ATRN: variants seen among roughly 807,000 people sequenced by gnomAD.
ATRN encodes attractin.
Under a neutral mutation model 178.7 loss-of-function variants are expected in ATRN, and 54 were observed. That is an observed-to-expected ratio of 0.30 (90% CI 0.24 to 0.38). The LOEUF is 0.38. Ranked by LOEUF, ATRN falls within the 10% of genes least tolerant of loss-of-function variation. The pLI is 1.00. For synonymous variants in ATRN, 636 were observed against 663.0 expected, an observed-to-expected ratio of 0.96 and a Z score of 0.63; for missense variants, 1,443 against 1,815.1, an observed-to-expected ratio of 0.79 and a Z score of 3.73.
intron 2 of ATRN, among the ~76,000 whole-genome samples, chr20:3,537,614 A>G (rs1959484143): frequency 6.6e-6 from 1 of 150,624 alleles, no homozygotes; most frequent in Admixed American, 6.6e-5. Flanking sequence ...TGCACCCATT[A>G]ACTCATCATT....
intron 1 of ATRN, among the ~76,000 whole-genome samples, chr20:3,524,918 G>T (rs569240864): frequency 6.6e-6 from 1 of 152,224 alleles, no homozygotes; most frequent in South Asian, 2.1e-4. Context: ...TGTTTAGAGG[G>T]AAATTTATAG....
intron 11 of ATRN, among the ~76,000 whole-genome samples, chr20:3,566,000 A>G (rs975878632): frequency 5.9e-5 from 9 of 152,270 alleles, no homozygotes; most frequent in African/African-American, 2.2e-4. Context: ...ACGCAAGAGC[A>G]TGCTTTTTGG....
intron 18 of ATRN, among the ~76,000 whole-genome samples, chr20:3,589,456 C>T (rs1186220368): frequency 6.6e-6 from 1 of 151,116 alleles, no homozygotes; most frequent in East Asian, 1.9e-4. Flanking sequence ...AGAGCTTGCT[C>T]TCTTATATTG....
intron 1 of ATRN, among the ~76,000 whole-genome samples, chr20:3,497,422 G>T (rs2146100780): frequency 6.6e-6 from 1 of 152,072 alleles, no homozygotes; most frequent in East Asian, 1.9e-4. Context: ...CACTTATGAA[G>T]CTTAGTTTGG....
In ATRN at chr20:3,483,809, A is replaced by C. The variant is rs548661318; in HGVS notation, c.410+12292A>C. On this transcript the variant is annotated intron_variant, in intron 1 of 28. Transcript: ENST00000262919. ...GACACATATTATTTTTCAAAAAAAA[A>C]CAGATTTATAGAGTTGAAGAGATAC... Among the ~76,000 whole-genome samples the C allele has an allele frequency of 2.6e-5, 4 of 152,298 alleles. No homozygotes were observed. The South Asian group carries it at 8.3e-4, about 32-fold the overall frequency.
At chr20:3,491,386 T>G (rs78119719) in intron 1 of ATRN, among the ~76,000 whole-genome samples, 6,030 of 152,294 alleles carry the variant, frequency 0.04, 160 homozygotes, top group Non-Finnish European at 0.057. Flanking sequence ...CTTACTAAAC[T>G]TCATAACGTT....
intron 24 of ATRN, among the ~76,000 whole-genome samples, chr20:3,610,509 C>T (rs1484408600): frequency 6.6e-6 from 1 of 151,856 alleles, no homozygotes; most frequent in African/African-American, 2.4e-5. Flanking sequence ...ACCCTCTCAC[C>T]TCAGCCTCCT....
chr20:3,587,822 A>C (rs575365512), intron 18 of ATRN, among the ~76,000 whole-genome samples: 18 of 149,986 alleles, frequency 1.2e-4, no homozygotes, highest in Middle Eastern at 3.2e-3. Flanking sequence ...TTTGGGGTGT[A>C]TTGCCTGTTT....
chr20:3,506,815 TGATTA>T (rs1898183063), intron 1 of ATRN, among the ~76,000 whole-genome samples: 1 of 151,952 alleles, frequency 6.6e-6, no homozygotes, highest in African/African-American at 2.4e-5. Context: ...TTAAAATAAA[TGATTA>T]GTATCTTTAA....
intron 16 of ATRN, among the ~76,000 whole-genome samples, chr20:3,582,962 T>G (rs886165348): frequency 3.3e-5 from 5 of 152,164 alleles, no homozygotes; most frequent in African/African-American, 1.2e-4. Flanking sequence ...TGCTGCAGCA[T>G]GAAGACAACT....
chr20:3,490,572 G>A, intron 1 of ATRN: 2 of 1,056,520 alleles, frequency 1.9e-6, no homozygotes, highest in Admixed American at 1.7e-5. Context: ...TCACGTTAAT[G>A]TACTTGAGGT....
intron 25 of ATRN, among the ~76,000 whole-genome samples, chr20:3,634,091 T>C (rs1458021140): frequency 6.6e-6 from 1 of 152,190 alleles, no homozygotes; most frequent in African/African-American, 2.4e-5. Context: ...GAATACCACA[T>C]GGGAACGATA....
chr20:3,519,889 A>G (rs2085266321), intron 1 of ATRN, among the ~76,000 whole-genome samples: 1 of 152,248 alleles, frequency 6.6e-6, no homozygotes, highest in African/African-American at 2.4e-5. Context: ...ACTGCAATCC[A>G]AGAATACCAT....
chr20:3,536,060 C>T (rs2085528128), intron 2 of ATRN, among the ~76,000 whole-genome samples: 1 of 152,172 alleles, frequency 6.6e-6, no homozygotes, highest in African/African-American at 2.4e-5. Context: ...GATCCCTTCT[C>T]TGGACCCACT....
At chr20:3,571,110 C>T (rs2753978) in intron 11 of ATRN, among the ~76,000 whole-genome samples, 25,323 of 152,168 alleles carry the variant, frequency 0.17, 2,616 homozygotes, top group Middle Eastern at 0.3. Flanking sequence ...ATTCCTTTTA[C>T]ATCTGCCTAA....
At chr20:3,514,083 A>G (rs143036078) in intron 1 of ATRN, among the ~76,000 whole-genome samples, 6,060 of 152,234 alleles carry the variant, frequency 0.04, 159 homozygotes, top group Non-Finnish European at 0.057. Flanking sequence ...AAATGCAGAA[A>G]TCACCCATCT....
rs1446681635 is a variant in ATRN, at chr20:3,590,117, T to C, written c.3185-1052T>C. ...GGCACCTGCCACCACCTCTGGCTAA[T>C]TTTTTGTATTTTTAGTAGAGACAGG... On this transcript the variant is annotated intron_variant, in intron 18 of 28. Coordinates refer to ENST00000262919, the MANE Select transcript of ATRN (RefSeq NM_139321.3). Among the ~76,000 whole-genome samples, 4 of 152,106 alleles carry C rather than the reference T, an allele frequency of 2.6e-5. No homozygotes were observed. The East Asian group carries it at 7.7e-4, about 29-fold the overall frequency.
chr20:3,644,387 T>C, intron 28 of ATRN, 119 bp downstream of exon 28: 1 of 836,362 alleles, frequency 1.2e-6, no homozygotes, highest in African/African-American at 1.7e-5. Context: ...TGCCTGCCCA[T>C]GCCATGGCAA....
intron 19 of ATRN, 85 bp from the exon 20 acceptor site, chr20:3,594,394 T>A (rs1466210816): frequency 1.1e-5 from 12 of 1,091,374 alleles, no homozygotes; most frequent in Non-Finnish European, 1.3e-6. Flanking sequence ...TCAATTCAGA[T>A]AAAATTGCTT....
Sources: gnomAD v4.1 joint callset for allele counts (sites outside exome capture counted in the v4.1 genomes callset) on GRCh38, gnomAD v4.1.1 for gene constraint, MANE v1.5 for transcripts, NCBI Gene and HGNC (gene_info 2026-07-23, HGNC 2026-07-21) for gene names.